TMEM232: variants seen among roughly 807,000 people sequenced by gnomAD.
TMEM232 encodes transmembrane protein 232.
In TMEM232, 80 loss-of-function variants were observed where a neutral mutation model predicts 78.8. The ratio of observed to expected loss-of-function variants is 1.01; its 90% CI spans 0.85 to 1.22. The LOEUF is 1.22. Ranked by LOEUF, TMEM232 falls within the 50% of genes most tolerant of loss-of-function variation. The probability of loss-of-function intolerance (pLI) is 0.00; values close to 1 mark genes in which losing one functional copy is unlikely to be tolerated. For synonymous variants in TMEM232, 297 were observed against 254.3 expected (o/e 1.17, Z -1.60); for missense variants, 881 against 742.2 (o/e 1.19, Z -2.17).
chr5:110,648,055 CAGA>C (rs1410972830), intron 2 of TMEM232, among the ~76,000 whole-genome samples: 1 of 151,788 alleles, frequency 6.6e-6, no homozygotes, highest in African/African-American at 2.4e-5. Context: ...GACTCATATA[CAGA>C]AGATACAAAG....
intron 1 of TMEM232, among the ~76,000 whole-genome samples, chr5:110,723,308 G>A (rs941246299): frequency 3.3e-5 from 5 of 152,162 alleles, no homozygotes; most frequent in African/African-American, 4.8e-5. Context: ...TGAAGTCTAT[G>A]TGTTCAATCA....
At chr5:110,624,891 G>A (rs899273838) in intron 7 of TMEM232, among the ~76,000 whole-genome samples, 4 of 151,728 alleles carry the variant, frequency 2.6e-5, no homozygotes, top group African/African-American at 9.7e-5. Flanking sequence ...TTTTTTAGAA[G>A]TTGTTAAGAA....
intron 12 of TMEM232, among the ~76,000 whole-genome samples, chr5:110,429,359 TG>T (rs1167904245): frequency 6.6e-6 from 1 of 151,776 alleles, no homozygotes; most frequent in Non-Finnish European, 1.5e-5. Context: ...AGTTCAAGGA[TG>T]AGAAATGTGC....
chr5:110,620,459 C>T (rs1308927711), intron 7 of TMEM232, among the ~76,000 whole-genome samples: 1 of 152,126 alleles, frequency 6.6e-6, no homozygotes, highest in Non-Finnish European at 1.5e-5. Context: ...CTAGAGAGAA[C>T]CCTTACTTCC....
chr5:110,600,376 T>C (rs1340242581), intron 10 of TMEM232, among the ~76,000 whole-genome samples: 3 of 152,104 alleles, frequency 2.0e-5, no homozygotes, highest in Non-Finnish European at 4.4e-5. Flanking sequence ...ATCCAGGAGC[T>C]GGTTTTTGGA....
At chr5:110,609,784 T>A (rs1445279629) in intron 8 of TMEM232, among the ~76,000 whole-genome samples, 1 of 152,110 alleles carries the variant, frequency 6.6e-6, no homozygotes, top group Admixed American at 6.6e-5. Flanking sequence ...AAAAATACAG[T>A]TTTTATATAT....
intron 12 of TMEM232, among the ~76,000 whole-genome samples, chr5:110,461,999 C>A (rs1174762454): frequency 6.6e-6 from 1 of 152,166 alleles, no homozygotes; most frequent in Non-Finnish European, 1.5e-5. Flanking sequence ...TCTTTTAACA[C>A]AATATCCATT....
chr5:110,515,742 AG>A (rs1383474321), intron 12 of TMEM232, among the ~76,000 whole-genome samples: 7 of 152,166 alleles, frequency 4.6e-5, no homozygotes, highest in Non-Finnish European at 5.9e-5. Flanking sequence ...AGTAAATGTT[AG>A]CTACTCCTGC....
intron 1 of TMEM232, among the ~76,000 whole-genome samples, chr5:110,699,908 G>C (rs1450489417): frequency 6.6e-6 from 1 of 152,044 alleles, no homozygotes; most frequent in Non-Finnish European, 1.5e-5. Context: ...GGAGTTTCCT[G>C]ATCCTACCCA....
intron 12 of TMEM232, among the ~76,000 whole-genome samples, chr5:110,489,519 C>T (rs1764809513): frequency 1.3e-5 from 2 of 152,002 alleles, no homozygotes; most frequent in African/African-American, 4.8e-5. Flanking sequence ...ACCTGATAAA[C>T]AGTATATGTG....
intron 4 of TMEM232, among the ~76,000 whole-genome samples, chr5:110,389,433 C>T (rs1020466946): frequency 2.0e-5 from 3 of 152,094 alleles, no homozygotes; most frequent in Non-Finnish European, 4.4e-5. Flanking sequence ...CAAATTAATG[C>T]GTGGCTGAGC....
chr5:110,420,832 GATT>G, intron 13 of TMEM232, 76 bp from the exon 14 acceptor site: 1 of 1,455,666 alleles, frequency 6.9e-7, no homozygotes, highest in Non-Finnish European at 8.9e-7. Flanking sequence ...TCAAAATGCA[GATT>G]CTTATATCCA....
Position 110,389,505 on chromosome 5 carries a change from G to C in TMEM232, n.615+911C>G, listed in dbSNP as rs376056236. Among the ~76,000 whole-genome samples the C allele has an allele frequency of 2.6e-5, 4 of 152,316 alleles. No individual in the cohort carries two copies. The South Asian group carries it at 8.3e-4, about 32-fold the overall frequency. On this transcript the variant is annotated intron_variant and non_coding_transcript_variant, in intron 4 of 8. Coordinates refer to the TMEM232 transcript ENST00000507188. ...TTTGAGAAAATTCTCTTTTGAAACAGATTCAAGACACTTGATAAACCTCGG... is the reference window on the plus strand; with the variant it reads ...TTTGAGAAAATTCTCTTTTGAAACACATTCAAGACACTTGATAAACCTCGG...
intron 11 of TMEM232, among the ~76,000 whole-genome samples, chr5:110,558,537 G>C (rs1239422172): frequency 6.6e-6 from 1 of 152,128 alleles, no homozygotes; most frequent in Non-Finnish European, 1.5e-5. Context: ...AGGCTGCACT[G>C]CAAGTGAGTG....
chr5:110,601,546 C>T (rs1016132661), intron 10 of TMEM232, among the ~76,000 whole-genome samples: 2 of 151,988 alleles, frequency 1.3e-5, no homozygotes, highest in African/African-American at 2.4e-5. Flanking sequence ...CCATTCACAA[C>T]TGCTACAAAG....
upstream of TMEM232, among the ~76,000 whole-genome samples, chr5:110,729,730 T>C (rs969506676): frequency 1.3e-5 from 2 of 152,224 alleles, no homozygotes; most frequent in Non-Finnish European, 2.9e-5. Flanking sequence ...AAGACAGTTG[T>C]GGTACCTCCT....
At chr5:110,487,329 A>C (rs550276211) in intron 12 of TMEM232, among the ~76,000 whole-genome samples, 1 of 152,204 alleles carries the variant, frequency 6.6e-6, no homozygotes, top group South Asian at 2.1e-4. Flanking sequence ...TGCTCTGGCT[A>C]GGACTTCCAG....
At chr5:110,732,210 G>C (rs1160331319) in intron 2 of TMEM232, among the ~76,000 whole-genome samples, 1 of 152,118 alleles carries the variant, frequency 6.6e-6, no homozygotes, top group Non-Finnish European at 1.5e-5. Flanking sequence ...TCAGCATTTT[G>C]TCAAAGCCAC....
chr5:110,656,550 G>A (rs141424057), intron 2 of TMEM232, among the ~76,000 whole-genome samples: 1,682 of 152,220 alleles, frequency 0.011, 33 homozygotes, highest in African/African-American at 0.039. Context: ...AATACAAAAA[G>A]AAAGTCAGGC....
Sources: allele counts gnomAD v4.1 joint callset (sites outside exome capture counted in the v4.1 genomes callset), GRCh38; gene constraint gnomAD v4.1.1; transcripts MANE v1.5; gene names NCBI Gene and HGNC (gene_info 2026-07-23, HGNC 2026-07-21).